Variants in TAB2 observed in about 807,000 individuals in gnomAD.
The protein encoded by TAB2 is TGF-beta-activated kinase 1 and MAP3K7-binding protein 2.
TAB2 carries 3 observed loss-of-function variants against 65.0 expected under a neutral mutation model. The ratio of observed to expected loss-of-function variants is 0.05; its 90% confidence interval spans 0.02 to 0.12. TAB2 has a LOEUF of 0.12. TAB2 is among the 10% of genes least tolerant of loss of function. The probability of loss-of-function intolerance (pLI) is 1.00; values close to 1 mark genes in which losing one functional copy is unlikely to be tolerated. For synonymous variants in TAB2, 298 were observed against 285.1 expected (o/e 1.05, Z -0.46); for missense variants, 623 against 840.3 (o/e 0.74, Z 3.20).
intron 6 of TAB2, among the ~76,000 whole-genome samples, chr6:149,406,637 G>C (rs537624523): frequency 4.6e-5 from 7 of 152,152 alleles, no homozygotes; most frequent in Non-Finnish European, 1.0e-4. Flanking sequence ...CTGGTCTTTA[G>C]TTTGTTACAA....
At chr6:149,302,053 T>C (rs1197437428) in intron 1 of TAB2, among the ~76,000 whole-genome samples, 2 of 152,166 alleles carry the variant, frequency 1.3e-5, no homozygotes, top group African/African-American at 4.8e-5. Flanking sequence ...TTGTATATGT[T>C]AAAAATCTCT....
chr6:149,244,165 C>G (rs1362877317), intron 1 of TAB2: 3 of 152,266 alleles, frequency 2.0e-5, no homozygotes, highest in African/African-American at 4.8e-5. Context: ...AAGGCTGAGG[C>G]TTTCCAGTGT....
chr6:149,337,049 T>C (rs1779955461), intron 1 of TAB2, among the ~76,000 whole-genome samples: 1 of 152,186 alleles, frequency 6.6e-6, no homozygotes, highest in Non-Finnish European at 1.5e-5. Context: ...TTATTACTAA[T>C]AGAAAAAGCA....
At chr6:149,241,860 A>C (rs1777603884) in intron 1 of TAB2, among the ~76,000 whole-genome samples, 1 of 152,190 alleles carries the variant, frequency 6.6e-6, no homozygotes, top group African/African-American at 2.4e-5. Flanking sequence ...TTGGGGAAGA[A>C]GTGAACTGGA....
Position 149,395,361 on chromosome 6 carries a change from T to G in TAB2, c.1604-2243T>G, listed in dbSNP as rs78172659. 7.1e-3 allele frequency among the ~76,000 whole-genome samples: 1,081 copies of G among 152,340 alleles called. 7 individuals carry two copies. The highest frequency in any genetic ancestry group is 0.025 in the African/African-American group (1,039 of 41,566). ...TATTTGGAATTATCCCTGTCTGGTTTTTGTTTTGTATTTCTTTCCTTTATC... is the reference window on the plus strand; with the variant it reads ...TATTTGGAATTATCCCTGTCTGGTTGTTGTTTTGTATTTCTTTCCTTTATC... On this transcript the variant is annotated intron_variant, in intron 3 of 6. Coordinates refer to ENST00000637181, the MANE Select transcript of TAB2 (RefSeq NM_001292034.3).
chr6:149,409,210 GA>G (rs1445110192), intron 6 of TAB2, among the ~76,000 whole-genome samples: 1 of 152,190 alleles, frequency 6.6e-6, no homozygotes, highest in Non-Finnish European at 1.5e-5. Flanking sequence ...AAACTCTAAT[GA>G]GACTTATGTA....
upstream of TAB2, among the ~76,000 whole-genome samples, chr6:149,315,103 A>G (rs1324009785): frequency 6.6e-6 from 1 of 152,206 alleles, no homozygotes; most frequent in African/African-American, 2.4e-5. Flanking sequence ...GTTACTCAGA[A>G]CAGAGGGACA....
chr6:149,308,440 G>A (rs1291441156), intron 1 of TAB2, among the ~76,000 whole-genome samples: 1 of 152,046 alleles, frequency 6.6e-6, no homozygotes, highest in African/African-American at 2.4e-5. Context: ...TTGTTAGAGT[G>A]AAATTGACTA....
intron 1 of TAB2, among the ~76,000 whole-genome samples, chr6:149,294,296 C>T (rs953951119): frequency 3.9e-5 from 6 of 152,180 alleles, no homozygotes; most frequent in African/African-American, 1.2e-4. Context: ...TTGTAGATGG[C>T]GTCTTCTCCC....
At position 149,336,841 on chromosome 6, in the gene TAB2, G is replaced by A. The variant is rs1468685357; in HGVS notation, c.-90+18826G>A. Among the ~76,000 whole-genome samples the A allele has an allele frequency of 2.6e-5, 4 of 152,108 alleles. No individual in the cohort carries two copies. In the East Asian group the frequency reaches 5.8e-4, roughly 22 times the overall value. On this transcript the variant is annotated intron_variant, in intron 1 of 6. Transcript: ENST00000637181. ...GGGGACTGCTGGGAAATAGAAGCAGGTGAATTTAATAGAGTAGTTTTAATC... is the reference window on the plus strand; with the variant it reads ...GGGGACTGCTGGGAAATAGAAGCAGATGAATTTAATAGAGTAGTTTTAATC...
At chr6:149,406,893 T>G (rs1782682368) in intron 6 of TAB2, among the ~76,000 whole-genome samples, 1 of 152,054 alleles carries the variant, frequency 6.6e-6, no homozygotes, top group Admixed American at 6.6e-5. Flanking sequence ...AATTTTGTAT[T>G]TTTAGTACAG....
chr6:149,348,761 C>G (rs1307433592), intron 1 of TAB2, among the ~76,000 whole-genome samples: 1 of 151,772 alleles, frequency 6.6e-6, no homozygotes, highest in Non-Finnish European at 1.5e-5. Flanking sequence ...GTCAGGAGTT[C>G]GAGACCAGCC....
chr6:149,335,529 GGC>G (rs1015716431), intron 1 of TAB2, among the ~76,000 whole-genome samples: 8 of 151,776 alleles, frequency 5.3e-5, no homozygotes, highest in Non-Finnish European at 1.2e-4. Flanking sequence ...CACCATGCCT[GGC>G]TAATACTTTT....
chr6:149,409,816 A>ACACCTTC lies in TAB2; in HGVS notation c.*97_*98insCACCTTC. 1 of 1,420,100 alleles carries ACACCTTC rather than the reference A, an allele frequency of 7.0e-7. No individual in the cohort carries two copies. Among genetic ancestry groups the ACACCTTC allele is most frequent in the Non-Finnish European group, 9.9e-7 (1 of 1,009,546 alleles). The allele number at this position is 1,420,100 out of a possible 1,614,324, so 88.0% of individuals were successfully genotyped here. On this transcript the variant is annotated 3_prime_UTR_variant, in exon 7 of 7. Transcript: ENST00000637181. Reference sequence around the variant, plus strand: ...TTTCACTGCTACATAGGATTTTGTCAAATTGAAGGTGTGACAAGATGGTGT... The same window carrying ACACCTTC: ...TTTCACTGCTACATAGGATTTTGTCACACCTTCAATTGAAGGTGTGACAAGATGGTGT...
chr6:149,234,799 A>T (rs1341344243), intron 1 of TAB2, among the ~76,000 whole-genome samples: 2 of 151,922 alleles, frequency 1.3e-5, no homozygotes, highest in Non-Finnish European at 2.9e-5. Context: ...TGAAGGAAAC[A>T]TCAAAGGCAT....
At chr6:149,359,041 A>T (rs1343299652) in intron 1 of TAB2, among the ~76,000 whole-genome samples, 1 of 151,474 alleles carries the variant, frequency 6.6e-6, no homozygotes, top group Non-Finnish European at 1.5e-5. Flanking sequence ...TTATCTCCAC[A>T]GTCATTTTAA....
chr6:149,393,926 T>C (rs1393369928), intron 3 of TAB2, among the ~76,000 whole-genome samples: 1 of 152,298 alleles, frequency 6.6e-6, no homozygotes, highest in East Asian at 1.9e-4. Context: ...TTGACTGTGA[T>C]GTGTCTAGGT....
At chr6:149,249,319 C>T (rs1777808916) in intron 1 of TAB2, among the ~76,000 whole-genome samples, 1 of 152,044 alleles carries the variant, frequency 6.6e-6, no homozygotes, top group African/African-American at 2.4e-5. Flanking sequence ...TAGAATAATC[C>T]CCTCTTCAGC....
chr6:149,230,555 G>A (rs931703060), intron 1 of TAB2, among the ~76,000 whole-genome samples: 1 of 152,226 alleles, frequency 6.6e-6, no homozygotes, highest in African/African-American at 2.4e-5. Context: ...ATGAGGCAAG[G>A]AATATAGAGT....
Sources: allele counts gnomAD v4.1 joint callset (sites outside exome capture counted in the v4.1 genomes callset), GRCh38; gene constraint gnomAD v4.1.1; transcripts MANE v1.5; gene names NCBI Gene and HGNC (gene_info 2026-07-23, HGNC 2026-07-21).